The following BTBD9 variants were observed in gnomAD, a reference collection of about 807,000 sequenced individuals.
BTBD9 encodes BTB/POZ domain-containing protein 9.
A neutral mutation model predicts 64.3 loss-of-function variants in BTBD9; 49 were observed. The observed-to-expected ratio is 0.76, with a 90% CI of 0.61 to 0.97. BTBD9 has a LOEUF of 0.97. Ranked by LOEUF, BTBD9 falls within the 50% of genes least tolerant of loss-of-function variation. BTBD9 has a pLI of 0.00. For missense variants in BTBD9, 598 were observed against 762.1 expected, an observed-to-expected ratio of 0.78 and a Z score of 2.53; for synonymous variants, 260 against 274.7, an observed-to-expected ratio of 0.95 and a Z score of 0.53.
intron 6 of BTBD9, among the ~76,000 whole-genome samples, chr6:38,363,338 G>A (rs552250903): frequency 5.2e-4 from 79 of 152,298 alleles, no homozygotes; most frequent in African/African-American, 1.7e-3. Context: ...CAGGAGGACT[G>A]CTTGAGGCCA....
chr6:38,353,427 AAGGG>A (rs1381725714), intron 6 of BTBD9, among the ~76,000 whole-genome samples: 1 of 152,006 alleles, frequency 6.6e-6, no homozygotes, highest in Non-Finnish European at 1.5e-5. Context: ...GGGGAGAAAA[AAGGG>A]AGGGGGATAG....
At chr6:38,576,052 A>G (rs1582659010) in intron 6 of BTBD9, among the ~76,000 whole-genome samples, 1 of 152,202 alleles carries the variant, frequency 6.6e-6, no homozygotes, top group East Asian at 1.9e-4. Context: ...CATGGCTGGT[A>G]TTATTATATT....
At chr6:38,339,875 G>C (rs1374869582) in intron 7 of BTBD9, among the ~76,000 whole-genome samples, 1 of 152,200 alleles carries the variant, frequency 6.6e-6, no homozygotes, top group Admixed American at 6.5e-5. Flanking sequence ...GAGAATCGTT[G>C]CAAGTGACTT....
intron 9 of BTBD9, among the ~76,000 whole-genome samples, chr6:38,195,167 G>A (rs1374186360): frequency 1.3e-5 from 2 of 152,136 alleles, no homozygotes; most frequent in East Asian, 1.9e-4. Context: ...GCTTGAAGGG[G>A]AAATGACAAG....
intron 6 of BTBD9, among the ~76,000 whole-genome samples, chr6:38,449,721 G>A (rs554761098): frequency 1.9e-3 from 285 of 151,922 alleles, no homozygotes; most frequent in Non-Finnish European, 2.5e-3. Context: ...TCTGGGCAAC[G>A]TAGTGAGACC....
chr6:38,267,926 C>G (rs973797286), intron 8 of BTBD9, among the ~76,000 whole-genome samples: 3 of 152,036 alleles, frequency 2.0e-5, no homozygotes, highest in African/African-American at 7.2e-5. Context: ...GGTGACAGAG[C>G]GAGACTCCGT....
At chr6:38,316,000 C>A (rs1763014818) in intron 7 of BTBD9, among the ~76,000 whole-genome samples, 1 of 152,116 alleles carries the variant, frequency 6.6e-6, no homozygotes. Context: ...GTGTTGGGTG[C>A]ATATATATTT....
chr6:38,487,510 A>C (rs140464161), intron 6 of BTBD9, among the ~76,000 whole-genome samples: 5,624 of 151,764 alleles, frequency 0.037, 351 homozygotes, highest in African/African-American at 0.13. Context: ...GAGTCCAGGG[A>C]GGTCGAGGCT....
At chr6:38,285,467 T>C (rs1761693506) in intron 8 of BTBD9, among the ~76,000 whole-genome samples, 1 of 152,068 alleles carries the variant, frequency 6.6e-6, no homozygotes, top group Admixed American at 6.6e-5. Context: ...TGGAATTCCA[T>C]TTTAGGCATC....
At chr6:38,390,646 A>G (rs1372272536) in intron 6 of BTBD9, among the ~76,000 whole-genome samples, 1 of 152,210 alleles carries the variant, frequency 6.6e-6, no homozygotes, top group Non-Finnish European at 1.5e-5. Flanking sequence ...CCCCAAATTC[A>G]GGACATTACA....
At chr6:38,593,351 C>T (rs1776893636) in intron 3 of BTBD9, among the ~76,000 whole-genome samples, 1 of 152,094 alleles carries the variant, frequency 6.6e-6, no homozygotes, top group Non-Finnish European at 1.5e-5. Context: ...AATAGGATAA[C>T]ACAGATCTTA....
At chr6:38,527,447 A>C (rs1210642515) in intron 6 of BTBD9, among the ~76,000 whole-genome samples, 1 of 152,096 alleles carries the variant, frequency 6.6e-6, no homozygotes, top group Admixed American at 6.6e-5. Context: ...TCACAGGGGC[A>C]GTATCCCCCA....
intron 7 of BTBD9, among the ~76,000 whole-genome samples, chr6:38,320,585 C>A (rs1450713768): frequency 1.3e-5 from 2 of 152,146 alleles, no homozygotes; most frequent in Non-Finnish European, 2.9e-5. Context: ...CTTCTGTAAA[C>A]AGCTTCCTAG....
chr6:38,523,820 C>A (rs1773372347), intron 6 of BTBD9, among the ~76,000 whole-genome samples: 1 of 152,126 alleles, frequency 6.6e-6, no homozygotes, highest in African/African-American at 2.4e-5. Flanking sequence ...GATGGGGAAA[C>A]AGAGGCACAG....
chr6:38,432,975 G>A (rs1264924511), intron 6 of BTBD9, among the ~76,000 whole-genome samples: 2 of 151,986 alleles, frequency 1.3e-5, no homozygotes, highest in Non-Finnish European at 2.9e-5. Flanking sequence ...AACCCACTGG[G>A]TGATTATATT....
At chr6:38,559,548 A>G (rs937280893) in intron 6 of BTBD9, among the ~76,000 whole-genome samples, 1 of 152,168 alleles carries the variant, frequency 6.6e-6, no homozygotes, top group Non-Finnish European at 1.5e-5. Flanking sequence ...AAGTATCAAC[A>G]TCATTTTTCA....
At chr6:38,301,346 C>T (rs1762395647) in intron 7 of BTBD9, among the ~76,000 whole-genome samples, 1 of 152,154 alleles carries the variant, frequency 6.6e-6, no homozygotes, top group African/African-American at 2.4e-5. Flanking sequence ...CTCTGCCAGG[C>T]TTTGGTATCA....
intron 9 of BTBD9, among the ~76,000 whole-genome samples, chr6:38,255,068 A>G (rs1296467334): frequency 6.6e-6 from 1 of 152,236 alleles, no homozygotes; most frequent in Non-Finnish European, 1.5e-5. Flanking sequence ...ACAATGGAAT[A>G]CTATTCAGCC....
intron 7 of BTBD9, among the ~76,000 whole-genome samples, chr6:38,294,582 C>G (rs1288028543): frequency 6.6e-6 from 1 of 152,050 alleles, no homozygotes; most frequent in Admixed American, 6.6e-5. Context: ...TGTTCTCACT[C>G]ATAAGTGGGA....
Sources: gnomAD v4.1 joint callset for allele counts (sites outside exome capture counted in the v4.1 genomes callset) on GRCh38, gnomAD v4.1.1 for gene constraint, MANE v1.5 for transcripts, NCBI Gene and HGNC (gene_info 2026-07-23, HGNC 2026-07-21) for gene names.